SPTBN5: variants seen among roughly 807,000 people sequenced by gnomAD.
SPTBN5 encodes the protein spectrin beta, non-erythrocytic 5.
SPTBN5 carries 513 observed loss-of-function variants against 477.6 expected under a neutral mutation model. That is an observed-to-expected ratio of 1.07 (90% CI 1.00 to 1.16). SPTBN5 has a LOEUF of 1.16. Among genes scored for constraint, SPTBN5 ranks in the 50% most tolerant of loss-of-function variants. SPTBN5 has a pLI of 0.00. For synonymous variants in SPTBN5, 2,169 were observed against 2,011.7 expected (o/e 1.08, Z -2.09); for missense variants, 5,062 against 4,731.8 (o/e 1.07, Z -2.05).
chr15:41,881,914 C>T (rs992638907), intron 12 of SPTBN5, 22 bp downstream of exon 12: 2 of 1,518,006 alleles, frequency 1.3e-6, no homozygotes, highest in African/African-American at 1.4e-5. Flanking sequence ...GACCAGGCGC[C>T]CTTCCCTGTC....
rs1267159411 is a variant in SPTBN5 at position 41,857,314 on chromosome 15, G to A, written c.8545C>T (p.Gln2849Ter). ...CCTTCCCTCACAAAGGCCTGGGCCT[G>A]GCCCAGCAGTGCCTCAGCCTGCCTG... ...KARQAEALLG[Q>*]AQAFVREGHC... Residue 2849 changes from glutamine (Q) to a stop codon, truncating the protein, a stop_gained, in exon 51 of 68, where the codon CAG (glutamine) becomes TAG (stop). Coordinates refer to ENST00000320955, the MANE Select transcript of SPTBN5 (RefSeq NM_016642.4). LOFTEE classifies it high-confidence loss of function. 1 of 1,568,678 alleles carries A rather than the reference G, an allele frequency of 6.4e-7. No individual in the cohort carries two copies. The highest frequency in any genetic ancestry group is 1.7e-4 in the Middle Eastern group (1 of 6,012).
chr15:41,882,669 C>T lies in SPTBN5; in HGVS notation c.1962G>A (p.Trp654Ter). Residue 654 changes from tryptophan (W) to a stop codon, truncating the protein, a stop_gained, in exon 10 of 68, where the codon TGG (tryptophan) becomes TGA (stop). Transcript: ENST00000320955. LOFTEE classifies it high-confidence loss of function. The part of the protein sequence containing the change: ...FLRNCEEEEA[W>*]LKECGQRVGN... The stretch of plus-strand genomic sequence containing the variant: ...CCACCCGCTGTCCGCACTCCTTCAG[C>T]CAGGCTTCCTCCTCCTCACAGTTGC... The T allele has an allele frequency of 1.2e-6, 2 of 1,608,728 alleles. No homozygotes were observed. Among genetic ancestry groups the T allele is most frequent in the Non-Finnish European group, 1.7e-6 (2 of 1,178,066 alleles).
At position 41,880,190 on chromosome 15, in the gene SPTBN5, G is replaced by A. The variant is rs574514160; in HGVS notation, c.2781C>T (p.Asp927=). ...ATTTGAGCTGCATGACCTCCAGGGT[G>A]TCAGCCTGGGGCTGCACCCTTTGGA... ...VLLQRVQPQA[D]TLEVMQLKYE... Residue 927 remains aspartate, a synonymous_variant, in exon 14 of 68, where the codon GAC becomes GAT. Transcript: ENST00000320955. The A allele has an allele frequency of 2.5e-6, 4 of 1,605,168 alleles. No individual in the cohort carries two copies. The highest frequency in any genetic ancestry group is 1.3e-5 in the African/African-American group (1 of 74,810).
rs1176192748 is a variant in SPTBN5 at position 41,850,872 on chromosome 15, C to T, written c.10903G>A (p.Ala3635Thr). The T allele has an allele frequency of 6.2e-7, 1 of 1,600,642 alleles. No homozygotes were observed. Among genetic ancestry groups the T allele is most frequent in the African/African-American group, 1.3e-5 (1 of 74,698 alleles). The stretch of plus-strand genomic sequence containing the variant: ...AGCCCACCTGCAGTGCTGCCCAGGG[C>T]TCGCCACCAGCTCTCAGCCTGCTCT... ...SEEQAESWWR[A>T]LGSTAAQSLS... The change falls in exon 66 of 68, where the codon GCC becomes ACC. Residue 3635 changes from alanine to threonine, a missense_variant. Transcript: ENST00000320955.
rs1325428265 is a variant in SPTBN5 at position 41,867,034 on chromosome 15, C to T, written c.6405G>A (p.Lys2135=). The T allele has an allele frequency of 2.6e-6, 4 of 1,555,238 alleles. No individual in the cohort carries two copies. In the East Asian group the frequency reaches 9.7e-5, roughly 38 times the overall value. The change falls in exon 36 of 68, where the codon AAG becomes AAA. Residue 2135 remains lysine, a synonymous_variant. Coordinates refer to ENST00000320955, the MANE Select transcript of SPTBN5 (RefSeq NM_016642.4). ...PILLQRRMRV[K]ELAESRGHAL... ...CGTGTCCCCGGCTCTCCGCCAGCTC[C>T]TTCACTCTCATCCGGCGCTGCAGCA...
At position 41,860,183 on chromosome 15, in the gene SPTBN5, G is replaced by A. The variant is rs1042726478; in HGVS notation, c.7988+403C>T. ...GTTAAAGCCCAGGATGTGAGGCTCA[G>A]CTGCCGAGAGGAGGAACTTGTCTGA... On this transcript the variant is annotated intron_variant, in intron 47 of 67. Transcript: ENST00000320955. 1.6e-4 allele frequency among the ~76,000 whole-genome samples: 24 copies of A among 152,338 alleles called. 1 individual carries two copies. Among genetic ancestry groups the A allele is most frequent in the Admixed American group, 1.5e-3 (23 of 15,308 alleles).
In SPTBN5 at chr15:41,880,322, G is replaced by A. The variant is rs766811621; in HGVS notation, c.2659-10C>T. ...ACCGGGCCCTGCGGAGCTGGGGAGA[G>A]GTGGCCCAAGGCTGGGGTGAGGGTC... On this transcript the variant is annotated splice_polypyrimidine_tract_variant and intron_variant, in intron 13 of 67. Transcript: ENST00000320955. The A allele has an allele frequency of 1.8e-5, 28 of 1,591,774 alleles. No homozygotes were observed. The East Asian group carries it at 4.8e-4, about 27-fold the overall frequency.
rs770641636 is a variant in SPTBN5, at chr15:41,856,922, C to T, written c.8739G>A (p.Leu2913=). 8 of 1,561,050 alleles carry T rather than the reference C, an allele frequency of 5.1e-6. No homozygotes were observed. The highest frequency in any genetic ancestry group is 2.4e-5 in the East Asian group (1 of 41,654). The change falls in exon 52 of 68, where the codon CTG becomes CTA. Residue 2913 remains leucine (L), a synonymous_variant. Coordinates refer to ENST00000320955, the MANE Select transcript of SPTBN5 (RefSeq NM_016642.4). ...DEEMAWVQEK[L]PLAAAQDYGQ... Reference sequence around the variant, plus strand: ...CATAGTCCTGGGCAGCGGCCAGAGGCAGCTTCTCCTGCACCCAGGCCATTT... The same window carrying T: ...CATAGTCCTGGGCAGCGGCCAGAGGTAGCTTCTCCTGCACCCAGGCCATTT...
rs756163935 is a variant in SPTBN5, at chr15:41,855,597, C to T, written c.9170G>A (p.Arg3057Gln). The T allele has an allele frequency of 7.4e-5, 120 of 1,611,790 alleles. No individual in the cohort carries two copies. In the Middle Eastern group the frequency reaches 2.5e-3, roughly 33 times the overall value. ...CAGGAGTGCTGCTGTCTGCTGCAGC[C>T]GCTCGATGCGTGGGCTGAACGCTTC... ...DLEAFSPRIE[R>Q]LQQTAALLES... Residue 3057 changes from arginine (R) to glutamine (Q), a missense_variant, in exon 54 of 68, where the codon CGG (arginine) becomes CAG (glutamine). Arg to Gln is a conservative substitution (Grantham distance 43, BLOSUM62 1). Coordinates refer to ENST00000320955, the MANE Select transcript of SPTBN5 (RefSeq NM_016642.4).
chr15:41,888,160 G>C, intron 4 of SPTBN5, 75 bp from the exon 5 acceptor site: 1 of 1,439,356 alleles, frequency 6.9e-7, no homozygotes, highest in Non-Finnish European at 9.4e-7. Flanking sequence ...CTGTGGGAGA[G>C]GCAGGCTGGC....
At chr15:41,851,208 TCCCTCTGTCCTGGGGC>T in intron 64 of SPTBN5, 58 bp from the exon 65 acceptor site, 4 of 1,576,616 alleles carry the variant, frequency 2.5e-6, no homozygotes, top group East Asian at 2.3e-5. Context: ...CCCTGTGGGG[TCCCTCTGTCCTGGGGC>T]CCCTCTGCCT....
intron 26 of SPTBN5, 144 bp downstream of exon 26, chr15:41,873,348 G>A: frequency 1.5e-6 from 1 of 651,086 alleles, no homozygotes; most frequent in Non-Finnish European, 2.7e-6. Context: ...GTGGGATCTG[G>A]GTGGGAAGTG....
intron 7 of SPTBN5, among the ~76,000 whole-genome samples, 186 bp downstream of exon 7, chr15:41,885,549 T>C (rs1047157253): frequency 2.0e-5 from 3 of 152,166 alleles, no homozygotes; most frequent in Admixed American, 1.3e-4. Flanking sequence ...GCTTCACCAA[T>C]AGGAATGAAT....
At chr15:41,883,883 CG>C (rs1011959331) in intron 7 of SPTBN5, among the ~76,000 whole-genome samples, 51 of 152,310 alleles carry the variant, frequency 3.3e-4, no homozygotes, top group African/African-American at 1.1e-3. Context: ...CTCCACCTCC[CG>C]GGTTCAAGTG....
rs1023308418 is a variant in SPTBN5, at chr15:41,876,607, T to C, written c.3892A>G (p.Arg1298Gly). 1 of 1,504,014 alleles carries C rather than the reference T, an allele frequency of 6.6e-7. No individual in the cohort carries two copies. The highest frequency in any genetic ancestry group is 1.8e-5 in the Admixed American group (1 of 54,692). The allele number at this position is 1,504,014 out of a possible 1,614,324, so 93.2% of individuals were successfully genotyped here. A position where few individuals can be genotyped will look rare whatever the true frequency, so the allele number is the denominator to read the frequency against. Residue 1298 changes from arginine to glycine, a missense_variant, in exon 20 of 68, where the codon AGG becomes GGG. Physicochemically the swap from Arg to Gly is moderately radical, Grantham distance 125 (BLOSUM62 -2). Transcript: ENST00000320955. ...QLQSIQAQWTRLQGRSEQRRR... is the reference protein window; with the variant it reads ...QLQSIQAQWTGLQGRSEQRRR... ...CTCTGCTCACTCCTCCCCTGGAGCC[T>C]GGTCCACTGTGCCTGGATACTCTGC...
At chr15:41,875,991 G>T in intron 21 of SPTBN5, 123 bp downstream of exon 21, 1 of 1,224,448 alleles carries the variant, frequency 8.2e-7, no homozygotes, top group Non-Finnish European at 1.1e-6. Context: ...TGCAGGGGGA[G>T]GTTCTAGGTT....
At position 41,862,850 on chromosome 15, in the gene SPTBN5, CCTCTGCACG is replaced by C. The variant is rs772334935; in HGVS notation, c.7194_7202del (p.Ser2398_Gln2400del). The C allele has an allele frequency of 3.1e-6, 5 of 1,591,468 alleles. No homozygotes were observed. The East Asian group carries it at 6.9e-5, about 22-fold the overall frequency. On this transcript the variant is annotated inframe_deletion, in exon 42 of 68. Transcript: ENST00000320955. ...CCAGCTCCTCGTGTTTCCGCAGCAG[CCTCTGCACG>C]CTCTCCAGATCTTTCCCACAGTCCA...
At chr15:41,877,943 A>C (rs2066800644) in intron 17 of SPTBN5, among the ~76,000 whole-genome samples, 1 of 152,152 alleles carries the variant, frequency 6.6e-6, no homozygotes, top group South Asian at 2.1e-4. Context: ...CTTACTAAGG[A>C]GGTGGGGATC....
chr15:41,876,755 GTGCAGGCTGAGAAAGGGTCATC>G, intron 19 of SPTBN5, 32 bp downstream of exon 19: 3 of 1,607,604 alleles, frequency 1.9e-6, no homozygotes, highest in Non-Finnish European at 2.5e-6. Context: ...GCGGCCGTCT[GTGCAGGCTGAGAAAGGGTCATC>G]TGCAGGTGCT....
Sources: allele counts gnomAD v4.1 joint callset (sites outside exome capture counted in the v4.1 genomes callset), GRCh38; gene constraint gnomAD v4.1.1; transcripts MANE v1.5; gene names NCBI Gene and HGNC (gene_info 2026-07-23, HGNC 2026-07-21).